Variants in UNC79 observed in about 807,000 individuals in gnomAD.
UNC79 encodes the protein unc-79 subunit of NALCN channel complex.
In UNC79, 37 loss-of-function variants were observed where a neutral mutation model predicts 283.1. That is an observed-to-expected ratio of 0.13 (90% CI 0.10 to 0.17). The LOEUF (loss-of-function observed/expected upper bound fraction) is 0.17, where lower values mean the gene tolerates loss of function less well. Among genes scored for constraint, UNC79 ranks in the 10% least tolerant of loss-of-function variants. The probability of loss-of-function intolerance (pLI) is 1.00; values close to 1 mark genes in which losing one functional copy is unlikely to be tolerated. For missense variants in UNC79, 2,272 were observed against 3,211.1 expected, an observed-to-expected ratio of 0.71 and a Z score of 7.07; for synonymous variants, 1,107 against 1,200.2, an observed-to-expected ratio of 0.92 and a Z score of 1.61.
At chr14:93,463,326 G>C (rs559124381) in intron 1 of UNC79, among the ~76,000 whole-genome samples, 1 of 152,252 alleles carries the variant, frequency 6.6e-6, no homozygotes, top group Non-Finnish European at 1.5e-5. Context: ...GTGGATGTGG[G>C]AGCCAAACTG....
At chr14:93,638,777 C>T (rs1365678631) in intron 32 of UNC79, among the ~76,000 whole-genome samples, 1 of 152,176 alleles carries the variant, frequency 6.6e-6, no homozygotes, top group Admixed American at 6.5e-5. Flanking sequence ...TTTAACATTG[C>T]AGACTTATTG....
intron 7 of UNC79, among the ~76,000 whole-genome samples, chr14:93,509,249 AC>A (rs1217131187): frequency 6.6e-6 from 1 of 152,184 alleles, no homozygotes; most frequent in Non-Finnish European, 1.5e-5. Context: ...CATGGGAATT[AC>A]AATTCAACAT....
intron 1 of UNC79, among the ~76,000 whole-genome samples, chr14:93,349,363 G>A (rs1323295375): frequency 6.6e-6 from 1 of 152,180 alleles, no homozygotes; most frequent in Non-Finnish European, 1.5e-5. Context: ...TGGCCGTCTG[G>A]TAGGCAGGCA....
chr14:93,557,667 G>A (rs2062251935), intron 14 of UNC79, among the ~76,000 whole-genome samples: 1 of 152,092 alleles, frequency 6.6e-6, no homozygotes, highest in Non-Finnish European at 1.5e-5. Flanking sequence ...ACCCCCATAT[G>A]GTCACAAAGA....
chr14:93,337,463 G>GGAGTC (rs1233096864), intron 1 of UNC79, among the ~76,000 whole-genome samples: 1 of 152,228 alleles, frequency 6.6e-6, no homozygotes, highest in Admixed American at 6.5e-5. Context: ...CATACTCCCA[G>GGAGTC]ACTGTAGGAG....
At chr14:93,435,048 A>G (rs2064649191) in intron 1 of UNC79, among the ~76,000 whole-genome samples, 1 of 152,212 alleles carries the variant, frequency 6.6e-6, no homozygotes, top group Non-Finnish European at 1.5e-5. Flanking sequence ...GGAGAAATCA[A>G]TAGATAGTTT....
intron 41 of UNC79, among the ~76,000 whole-genome samples, chr14:93,676,099 C>G (rs965054267): frequency 6.6e-6 from 1 of 152,108 alleles, no homozygotes; most frequent in Non-Finnish European, 1.5e-5. Context: ...CTCTGTCACC[C>G]AGGTTGGAAC....
chr14:93,672,073 C>T (rs1052398971), intron 40 of UNC79, among the ~76,000 whole-genome samples: 4 of 152,076 alleles, frequency 2.6e-5, no homozygotes, highest in Admixed American at 6.6e-5. Context: ...GGAACTCTTG[C>T]GCCCTGTTGG....
At chr14:93,445,474 G>A (rs1293335524) in intron 1 of UNC79, among the ~76,000 whole-genome samples, 3 of 152,142 alleles carry the variant, frequency 2.0e-5, no homozygotes, top group Non-Finnish European at 4.4e-5. Context: ...TGGTCGTAAT[G>A]TATTCTTCTA....
intron 41 of UNC79, among the ~76,000 whole-genome samples, chr14:93,679,922 AT>A (rs980785080): frequency 6.6e-5 from 10 of 151,972 alleles, no homozygotes; most frequent in African/African-American, 1.7e-4. Context: ...ATCATAATAG[AT>A]TTTTTTTCAG....
At chr14:93,546,108 T>A (rs2061589634) in intron 14 of UNC79, among the ~76,000 whole-genome samples, 2 of 152,214 alleles carry the variant, frequency 1.3e-5, no homozygotes, top group Non-Finnish European at 2.9e-5. Context: ...GGTTCTATCA[T>A]AGTGATGTTA....
At chr14:93,524,096 G>A in intron 8 of UNC79, 54 bp downstream of exon 8, 1 of 1,587,740 alleles carries the variant, frequency 6.3e-7, no homozygotes. Flanking sequence ...TCAAATTGCT[G>A]AATGAAGTGG....
At chr14:93,618,308 G>A (rs144597875) in exon 29 of UNC79, 1 of 1,613,884 alleles carries the variant, frequency 6.2e-7, no homozygotes, top group African/African-American at 1.3e-5. Context: ...CAGGACCTTT[G>A]TACAGTGACA....
chr14:93,643,129 A>C (rs992291573), intron 33 of UNC79, among the ~76,000 whole-genome samples: 11 of 152,170 alleles, frequency 7.2e-5, no homozygotes, highest in Non-Finnish European at 1.5e-4. Context: ...CATTTTCTGA[A>C]AGCCTCCATC....
intron 40 of UNC79, among the ~76,000 whole-genome samples, chr14:93,671,446 A>C (rs950816253): frequency 6.6e-6 from 1 of 152,118 alleles, no homozygotes; most frequent in Non-Finnish European, 1.5e-5. Context: ...TAATATCCAG[A>C]ATATACAAGG....
chr14:93,707,205 C>A, downstream of UNC79: 1 of 296,208 alleles, frequency 3.4e-6, no homozygotes, highest in Non-Finnish European at 6.2e-6. Flanking sequence ...GGTGGGTACT[C>A]ACAGAAAAGT....
chr14:93,590,802 G>GTCAT (rs2064612425), intron 22 of UNC79, among the ~76,000 whole-genome samples: 2 of 152,208 alleles, frequency 1.3e-5, no homozygotes, highest in African/African-American at 4.8e-5. Flanking sequence ...TCATGGAAAT[G>GTCAT]GTTTTCTAGC....
At chr14:93,604,845 C>A in intron 26 of UNC79, 51 bp from the exon 27 acceptor site, 2 of 1,504,182 alleles carry the variant, frequency 1.3e-6, no homozygotes, top group Non-Finnish European at 1.8e-6. Flanking sequence ...ATTTTCTAGG[C>A]TCCAGTTGTC....
At chr14:93,659,572 T>C (rs1469446733) in intron 39 of UNC79, among the ~76,000 whole-genome samples, 1 of 152,236 alleles carries the variant, frequency 6.6e-6, no homozygotes. Context: ...AAATCTCTGA[T>C]AACTTCTCAT....
Sources: gnomAD v4.1 joint callset for allele counts (sites outside exome capture counted in the v4.1 genomes callset) on GRCh38, gnomAD v4.1.1 for gene constraint, MANE v1.5 for transcripts, NCBI Gene and HGNC (gene_info 2026-07-23, HGNC 2026-07-21) for gene names.